Variants in XPOT observed in about 807,000 individuals in gnomAD.
XPOT encodes the protein exportin-T.
A neutral mutation model predicts 128.2 loss-of-function variants in XPOT; 34 were observed. That is an observed-to-expected ratio of 0.27 (90% CI 0.20 to 0.35). The LOEUF is 0.35. XPOT is among the 10% of genes least tolerant of loss of function. XPOT has a pLI of 1.00. For synonymous variants in XPOT, 348 were observed against 394.3 expected (o/e 0.88, Z 1.39); for missense variants, 838 against 1,125.3 (o/e 0.74, Z 3.65).
At chr12:64,406,980 T>G (rs938477804) in intron 1 of XPOT, among the ~76,000 whole-genome samples, 1 of 152,116 alleles carries the variant, frequency 6.6e-6, no homozygotes, top group African/African-American at 2.4e-5. Flanking sequence ...TCTGCATACC[T>G]TATCTCTTTG....
chr12:64,428,004 GTT>G, intron 15 of XPOT, 45 bp from the exon 16 acceptor site: 1 of 1,308,350 alleles, frequency 7.6e-7, no homozygotes, highest in Non-Finnish European at 1.1e-6. Flanking sequence ...TTTTAGCACT[GTT>G]TTGAGCACTG....
chr12:64,439,817 T>C (rs1306360519), intron 23 of XPOT, among the ~76,000 whole-genome samples: 2 of 152,230 alleles, frequency 1.3e-5, no homozygotes, highest in Admixed American at 6.5e-5. Context: ...TTGTATAATA[T>C]TGTTTCTTGG....
rs2136029660 is a variant in XPOT, at chr12:64,431,747, A to G, written c.2186A>G (p.His729Arg). The G allele has an allele frequency of 6.2e-7, 1 of 1,614,132 alleles. No homozygotes were observed. Among genetic ancestry groups the G allele is most frequent in the Non-Finnish European group, 8.5e-7 (1 of 1,179,992 alleles). The change falls in exon 18 of 25, where the codon CAT (histidine) becomes CGT (arginine). Residue 729 changes from histidine to arginine, a missense_variant. His to Arg is a conservative substitution (Grantham distance 29). This residue lies in a region of XPOT where 761 missense variants were observed against 988.3 expected (regional missense o/e 0.77). Coordinates refer to ENST00000332707, the MANE Select transcript of XPOT (RefSeq NM_007235.6). Reference sequence around the variant, plus strand: ...CCGTTCATTCCATCTGCTTCAGAACATATGCTCAAAGATTGTGAAGCAAAA... The same window carrying G: ...CCGTTCATTCCATCTGCTTCAGAACGTATGCTCAAAGATTGTGAAGCAAAA... ...VLPFIPSASE[H>R]MLKDCEAKDL...
intron 1 of XPOT, among the ~76,000 whole-genome samples, chr12:64,406,228 A>T (rs1476140291): frequency 6.6e-6 from 1 of 151,508 alleles, no homozygotes; most frequent in African/African-American, 2.4e-5. Context: ...GGCGCAGGCC[A>T]CCATGCCCAG....
chr12:64,439,185 C>G, intron 22 of XPOT, 59 bp from the exon 23 acceptor site: 1 of 1,505,194 alleles, frequency 6.6e-7, no homozygotes, highest in Non-Finnish European at 9.2e-7. Context: ...TGTTCCGATT[C>G]TTTTTAAGCT....
In XPOT at chr12:64,420,138, A is replaced by G; in HGVS notation, c.558A>G (p.Ser186=). Residue 186 remains serine (S), a synonymous_variant, in exon 7 of 25, where the codon TCA becomes TCG. Transcript: ENST00000332707. Reference sequence around the variant, plus strand: ...AGTGCATTCCAAATCTGGTGGAATCATGGTACCAAATATTACAAAATTATC... The same window carrying G: ...AGTGCATTCCAAATCTGGTGGAATCGTGGTACCAAATATTACAAAATTATC... ...REQCIPNLVE[S]WYQILQNYQF... The G allele has an allele frequency of 6.2e-7, 1 of 1,611,786 alleles. No homozygotes were observed. The highest frequency in any genetic ancestry group is 8.5e-7 in the Non-Finnish European group (1 of 1,179,178).
chr12:64,446,771 C>T (rs1190242033), intron 24 of XPOT, among the ~76,000 whole-genome samples: 1 of 152,106 alleles, frequency 6.6e-6, no homozygotes, highest in African/African-American at 2.4e-5. Flanking sequence ...TCTAGGTTTG[C>T]CTTAAGCACA....
chr12:64,434,745 A>G (rs778771859), intron 20 of XPOT, 49 bp from the exon 21 acceptor site: 1 of 1,579,506 alleles, frequency 6.3e-7, no homozygotes. Context: ...GTGATGAATT[A>G]ATTGACTTAC....
chr12:64,410,157 G>C, intron 2 of XPOT, 62 bp downstream of exon 2: 1 of 1,500,436 alleles, frequency 6.7e-7, no homozygotes, highest in South Asian at 1.2e-5. Flanking sequence ...TAGAGGACTT[G>C]AATAAAAATG....
chr12:64,446,152 G>C (rs1355396440), intron 24 of XPOT, among the ~76,000 whole-genome samples: 1 of 152,134 alleles, frequency 6.6e-6, no homozygotes, highest in African/African-American at 2.4e-5. Flanking sequence ...TTAAATAACT[G>C]ATCAGTCAAA....
intron 15 of XPOT, 133 bp from the exon 16 acceptor site, chr12:64,427,918 T>C: frequency 1.5e-6 from 1 of 648,658 alleles, no homozygotes; most frequent in Non-Finnish European, 2.7e-6. Flanking sequence ...AAATTAACCA[T>C]AGCTAATCTT....
At chr12:64,437,438 T>C (rs1485391386) in intron 22 of XPOT, among the ~76,000 whole-genome samples, 2 of 152,160 alleles carry the variant, frequency 1.3e-5, no homozygotes, top group Non-Finnish European at 2.9e-5. Flanking sequence ...ATGGGAGTAA[T>C]AGGGAGCTGG....
At chr12:64,419,980 G>A (rs1001206267) in intron 6 of XPOT, 90 bp from the exon 7 acceptor site, 12 of 1,187,244 alleles carry the variant, frequency 1.0e-5, no homozygotes, top group African/African-American at 7.8e-5. Context: ...GTGTTAACAA[G>A]TCTGAAAGTT....
rs143473577 is a variant in XPOT at position 64,431,766 on chromosome 12, A to T, written c.2205A>T (p.Glu735Asp). ...CAGAACATATGCTCAAAGATTGTGA[A>T]GCAAAAGATCTCCAGGAGTTCATTC... The part of the protein sequence containing the change: ...SASEHMLKDC[E>D]AKDLQEFIPL... The change falls in exon 18 of 25, where the codon GAA (glutamate) becomes GAT (aspartate). Residue 735 changes from glutamate to aspartate, a missense_variant. Glu to Asp is a conservative substitution (Grantham distance 45). This residue lies in a region of XPOT where 761 missense variants were observed against 988.3 expected (regional missense o/e 0.77). Transcript: ENST00000332707. 249 of 1,614,148 alleles carry T rather than the reference A, an allele frequency of 1.5e-4. No individual in the cohort carries two copies. The African/African-American group carries it at 3.0e-3, about 19-fold the overall frequency.
chr12:64,420,035 G>A lies in XPOT; in HGVS notation c.490-35G>A, dbSNP rs748654407. On this transcript the variant is annotated intron_variant, in intron 6 of 24. Coordinates refer to ENST00000332707, the MANE Select transcript of XPOT (RefSeq NM_007235.6). ...CAGATATCAAACATGATTTTGTAAG[G>A]TAATCTACTTTGCATTTGGCGTTTT... is the stretch of plus-strand genomic sequence containing the variant. 15 of 1,522,524 alleles carry A rather than the reference G, an allele frequency of 9.9e-6. No homozygotes were observed. In the African/African-American group the frequency reaches 1.5e-4, roughly 16 times the overall value. The allele number at this position is 1,522,524 out of a possible 1,614,324, so 94.3% of individuals were successfully genotyped here. A position where few individuals can be genotyped will look rare whatever the true frequency, so the allele number is the denominator to read the frequency against.
At chr12:64,441,961 G>A (rs2040328359) in intron 23 of XPOT, among the ~76,000 whole-genome samples, 1 of 151,990 alleles carries the variant, frequency 6.6e-6, no homozygotes, top group Admixed American at 6.6e-5. Context: ...TTACGGGCGT[G>A]AGCCACCTTG....
At chr12:64,416,607 T>G (rs2040089702) in intron 3 of XPOT, 91 bp from the exon 4 acceptor site, 1 of 1,023,156 alleles carries the variant, frequency 9.8e-7, no homozygotes, top group African/African-American at 1.6e-5. Flanking sequence ...TTGAGAAACT[T>G]TTCTGCTGTA....
In XPOT at chr12:64,430,244, G is replaced by A; in HGVS notation, c.1933G>A (p.Ala645Thr). ...LMLAQDEERQ[A>T]SLADCLNHAV... ...GCTGGCACAAGATGAAGAAAGGCAAGCCTCTCTAGCAGACTGTCTTAACCA... is the reference window on the plus strand; with the variant it reads ...GCTGGCACAAGATGAAGAAAGGCAAACCTCTCTAGCAGACTGTCTTAACCA... Residue 645 changes from alanine (A) to threonine (T), a missense_variant, in exon 17 of 25, where the codon GCC becomes ACC. Coordinates refer to ENST00000332707, the MANE Select transcript of XPOT (RefSeq NM_007235.6). The A allele has an allele frequency of 6.2e-7, 1 of 1,609,980 alleles. No individual in the cohort carries two copies. The highest frequency in any genetic ancestry group is 1.3e-5 in the African/African-American group (1 of 74,802).
intron 23 of XPOT, among the ~76,000 whole-genome samples, chr12:64,442,080 G>C (rs563598952): frequency 1.4e-5 from 2 of 139,430 alleles, no homozygotes; most frequent in African/African-American, 2.9e-5. Flanking sequence ...TGTGTAAAGT[G>C]GGGGGGGGAC....
Sources: gnomAD v4.1 joint callset for allele counts (sites outside exome capture counted in the v4.1 genomes callset) on GRCh38, gnomAD v4.1.1 for gene constraint, gnomAD v4.1.1 regional missense constraint, MANE v1.5 for transcripts, NCBI Gene and HGNC (gene_info 2026-07-23, HGNC 2026-07-21) for gene names.